Variants in RUNX1 observed in about 807,000 individuals in gnomAD.
RUNX1 encodes runt-related transcription factor 1.
A neutral mutation model predicts 42.8 loss-of-function variants in RUNX1; 19 were observed. The ratio of observed to expected loss-of-function variants is 0.44; its 90% CI spans 0.31 to 0.65. The LOEUF (loss-of-function observed/expected upper bound fraction) is 0.65. Among genes scored for constraint, RUNX1 ranks in the 30% least tolerant of loss-of-function variants. RUNX1 has a pLI of 0.07. For synonymous variants in RUNX1, 271 were observed against 289.4 expected (o/e 0.94, Z 0.64); for missense variants, 528 against 672.0 (o/e 0.79, Z 2.37).
intron 2 of RUNX1, among the ~76,000 whole-genome samples, chr21:34,980,076 T>C (rs958955009): frequency 6.6e-6 from 1 of 152,214 alleles, no homozygotes; most frequent in Non-Finnish European, 1.5e-5. Flanking sequence ...ATAAAGCGCT[T>C]ATGTATAAGT....
chr21:35,002,412 T>G (rs1426412643), intron 2 of RUNX1, among the ~76,000 whole-genome samples: 1 of 146,778 alleles, frequency 6.8e-6, no homozygotes, highest in African/African-American at 2.6e-5. Flanking sequence ...ATTTATTTAT[T>G]TATTTATTTA....
intron 2 of RUNX1, among the ~76,000 whole-genome samples, chr21:34,936,958 T>C (rs1384581648): frequency 2.6e-5 from 4 of 152,302 alleles, no homozygotes; most frequent in East Asian, 3.9e-4. Context: ...ATTTGGCTTT[T>C]TAAAAAGTAT....
intron 2 of RUNX1, among the ~76,000 whole-genome samples, chr21:34,930,280 A>G (rs1217599812): frequency 3.7e-5 from 5 of 134,638 alleles, no homozygotes; most frequent in African/African-American, 6.1e-5. Context: ...GTATATATAT[A>G]TATATATATA....
At chr21:34,880,843 G>T in intron 4 of RUNX1, 130 bp from the exon 5 acceptor site, 2 of 934,662 alleles carry the variant, frequency 2.1e-6, no homozygotes, top group Non-Finnish European at 3.3e-6. Flanking sequence ...CAGAGGAATA[G>T]CAATGATAAC....
At chr21:34,819,011 T>C (rs2834647) in intron 7 of RUNX1, among the ~76,000 whole-genome samples, 126,994 of 152,096 alleles carry the variant, frequency 0.83, 55,444 homozygotes, top group East Asian at 1. Context: ...CTGATATGGG[T>C]GGTATCTGTG....
chr21:34,999,382 C>G lies in RUNX1; in HGVS notation c.58+49460G>C, dbSNP rs148045605. ...GTTGCTATCTGTGTTTTATAGGTGA[C>G]AAAACCAAGATACATCAAGGTCATG... is the stretch of plus-strand genomic sequence containing the variant. On this transcript the variant is annotated intron_variant, in intron 2 of 8. Coordinates refer to ENST00000675419, the MANE Select transcript of RUNX1 (RefSeq NM_001754.5). 8.4e-3 allele frequency among the ~76,000 whole-genome samples: 1,282 copies of G among 152,284 alleles called. 14 individuals are homozygous for G. Among genetic ancestry groups the G allele is most frequent in the African/African-American group, 0.03 (1,233 of 41,544 alleles).
In RUNX1 at chr21:34,790,993, T is replaced by A. The variant is rs989295680; in HGVS notation, c.*1142A>T. On this transcript the variant is annotated 3_prime_UTR_variant, in exon 9 of 9. Coordinates refer to ENST00000675419, the MANE Select transcript of RUNX1 (RefSeq NM_001754.5). ...TAATTATTGGCACCTGCCTCAACCC[T>A]CTGGAACTAGATTGACCTTCTCTGT... The A allele has an allele frequency of 3.9e-5, 9 of 233,546 alleles. No individual in the cohort carries two copies. The South Asian group carries it at 5.4e-4, about 14-fold the overall frequency. 14.5% of individuals were successfully genotyped at this position (233,546 alleles called of 1,614,324 possible).
At chr21:34,868,019 G>C (rs1601489660) in intron 5 of RUNX1, among the ~76,000 whole-genome samples, 1 of 152,236 alleles carries the variant, frequency 6.6e-6, no homozygotes, top group South Asian at 2.1e-4. Flanking sequence ...CTGCAGCTGG[G>C]AGGCCTGAGG....
intron 2 of RUNX1, among the ~76,000 whole-genome samples, chr21:34,911,607 C>A (rs2058272948): frequency 6.6e-6 from 1 of 152,180 alleles, no homozygotes; most frequent in African/African-American, 2.4e-5. Flanking sequence ...GCCCTTGCCC[C>A]ACTCCAGTAA....
chr21:34,793,650 T>C (rs576760876), intron 8 of RUNX1, among the ~76,000 whole-genome samples: 4 of 152,274 alleles, frequency 2.6e-5, no homozygotes, highest in Non-Finnish European at 5.9e-5. Context: ...GAGCCACTAC[T>C]GTAAAGTCAG....
chr21:35,022,305 G>T (rs938194391), intron 2 of RUNX1, among the ~76,000 whole-genome samples: 1 of 152,200 alleles, frequency 6.6e-6, no homozygotes, highest in African/African-American at 2.4e-5. Context: ...GGTAAAGAGA[G>T]GTTCCTTCTC....
chr21:34,922,824 T>C (rs934844690), intron 2 of RUNX1, among the ~76,000 whole-genome samples: 24 of 152,186 alleles, frequency 1.6e-4, no homozygotes, highest in African/African-American at 5.1e-4. Flanking sequence ...ATTTCTGACA[T>C]AAACAGATGG....
intron 3 of RUNX1, chr21:34,888,826 C>T (rs1404469290): frequency 2.7e-6 from 1 of 368,094 alleles, no homozygotes; most frequent in Non-Finnish European, 3.9e-6. Context: ...CGCGGCTCGC[C>T]GCCGCCGGCT....
chr21:34,834,317 G>T, intron 7 of RUNX1, 93 bp downstream of exon 7: 1 of 1,290,912 alleles, frequency 7.7e-7, no homozygotes, highest in Non-Finnish European at 1.1e-6. Flanking sequence ...GGAAACCCCA[G>T]TTGGTCTGGG....
At chr21:35,033,529 C>T (rs1380201869) in intron 2 of RUNX1, among the ~76,000 whole-genome samples, 3 of 152,152 alleles carry the variant, frequency 2.0e-5, no homozygotes, top group Non-Finnish European at 4.4e-5. Context: ...AGACACATGT[C>T]CCAACTCTCA....
Position 34,889,561 on chromosome 21 carries a change from C to T in RUNX1, c.98-2465G>A, listed in dbSNP as rs988534337. On this transcript the variant is annotated intron_variant, in intron 3 of 8. Transcript: ENST00000675419. Reference sequence around the variant, plus strand: ...CTCCCGGGCCTTGTAGCGCCGGCACCCGCAGCAGCCGGACAGCCTGCCCGG... The same window carrying T: ...CTCCCGGGCCTTGTAGCGCCGGCACTCGCAGCAGCCGGACAGCCTGCCCGG... 7.6e-6 allele frequency: 5 copies of T among 660,746 alleles called. No homozygotes were observed. The African/African-American group carries it at 9.8e-5, about 13-fold the overall frequency. The allele number at this position is 660,746 out of a possible 1,614,324, so 40.9% of individuals were successfully genotyped here. A position where few individuals can be genotyped will look rare whatever the true frequency, so the allele number is the denominator to read the frequency against.
At chr21:34,794,620 C>G (rs2056499517) in intron 8 of RUNX1, among the ~76,000 whole-genome samples, 1 of 152,224 alleles carries the variant, frequency 6.6e-6, no homozygotes. Flanking sequence ...CACCAACTGG[C>G]TTTAGGGCTG....
At chr21:34,941,125 C>A (rs2058523493) in intron 2 of RUNX1, among the ~76,000 whole-genome samples, 1 of 152,188 alleles carries the variant, frequency 6.6e-6, no homozygotes, top group South Asian at 2.1e-4. Context: ...AGTGTGTGAA[C>A]AACAAGAATA....
At chr21:34,849,554 A>G (rs2057387470) in intron 6 of RUNX1, among the ~76,000 whole-genome samples, 1 of 133,418 alleles carries the variant, frequency 7.5e-6, no homozygotes, top group Non-Finnish European at 1.5e-5. Flanking sequence ...CATGACAGCA[A>G]ATTTTACCAG....
Sources: gnomAD v4.1 joint callset for allele counts (sites outside exome capture counted in the v4.1 genomes callset) on GRCh38, gnomAD v4.1.1 for gene constraint, MANE v1.5 for transcripts, NCBI Gene and HGNC (gene_info 2026-07-23, HGNC 2026-07-21) for gene names.